Variants in RBFOX1 observed in about 807,000 individuals in gnomAD.
The protein encoded by RBFOX1 is RNA binding protein fox-1 homolog 1.
A neutral mutation model predicts 57.7 loss-of-function variants in RBFOX1; 8 were observed. That is an observed-to-expected ratio of 0.14 (90% CI 0.08 to 0.25). The LOEUF (loss-of-function observed/expected upper bound fraction) is 0.25. Among genes scored for constraint, RBFOX1 ranks in the 10% least tolerant of loss-of-function variants. The pLI, the probability that RBFOX1 is intolerant of heterozygous loss-of-function variation, is 1.00. For missense variants in RBFOX1, 611 were observed against 548.5 expected (o/e 1.11, Z -1.14); for synonymous variants, 326 against 222.4 (o/e 1.47, Z -4.15).
At chr16:6,419,142 T>C (rs1272461625) in intron 2 of RBFOX1, among the ~76,000 whole-genome samples, 1 of 152,212 alleles carries the variant, frequency 6.6e-6, no homozygotes, top group Non-Finnish European at 1.5e-5. Context: ...TAAACCTTTT[T>C]CCAAACCTTC....
intron 4 of RBFOX1, among the ~76,000 whole-genome samples, chr16:7,443,640 G>C (rs999495673): frequency 2.6e-5 from 4 of 152,226 alleles, no homozygotes; most frequent in South Asian, 2.1e-4. Flanking sequence ...AAAAAGTGCA[G>C]CGTATTTCTA....
intron 3 of RBFOX1, among the ~76,000 whole-genome samples, chr16:6,747,593 A>G (rs542351362): frequency 5.9e-5 from 9 of 152,238 alleles, no homozygotes; most frequent in South Asian, 2.1e-4. Flanking sequence ...AGTATCTTCT[A>G]TGGGTCTTCT....
At position 7,036,076 on chromosome 16, in the gene RBFOX1, A is replaced by C. The variant is rs532375507; in HGVS notation, c.-15-15981A>C. 5.9e-5 allele frequency among the ~76,000 whole-genome samples: 9 copies of C among 152,330 alleles called. No homozygotes were observed. The East Asian group carries it at 1.7e-3, about 29-fold the overall frequency. On this transcript the variant is annotated intron_variant, in intron 3 of 15. Coordinates refer to ENST00000550418, the MANE Select transcript of RBFOX1 (RefSeq NM_018723.4). ...GCAATAGAAAAGACCTCTTGTGTAA[A>C]GATCTCTTCAGATGCGAAAGTCAGA...
intron 1 of RBFOX1, among the ~76,000 whole-genome samples, chr16:5,247,572 G>A (rs1406778988): frequency 6.6e-6 from 1 of 152,192 alleles, no homozygotes; most frequent in Non-Finnish European, 1.5e-5. Context: ...ACAGCCCACA[G>A]GCCAGAGACA....
At chr16:5,503,546 C>T (rs573310218) in intron 2 of RBFOX1, among the ~76,000 whole-genome samples, 20 of 152,142 alleles carry the variant, frequency 1.3e-4, no homozygotes, top group Admixed American at 6.5e-4. Context: ...TGGGTTCAAG[C>T]GATTCTTGTG....
chr16:5,309,583 G>T (rs2064028896), intron 1 of RBFOX1, among the ~76,000 whole-genome samples: 1 of 152,162 alleles, frequency 6.6e-6, no homozygotes, highest in African/African-American at 2.4e-5. Context: ...TAGCGGTGAA[G>T]TGTGGGCTTT....
intron 4 of RBFOX1, among the ~76,000 whole-genome samples, chr16:7,355,629 C>G (rs906660267): frequency 2.6e-5 from 4 of 152,206 alleles, no homozygotes; most frequent in Non-Finnish European, 5.9e-5. Flanking sequence ...TCAGTCTGTA[C>G]AGGTCCACTC....
At chr16:5,852,045 G>GTAT (rs1394541206) in intron 3 of RBFOX1, among the ~76,000 whole-genome samples, 1 of 152,200 alleles carries the variant, frequency 6.6e-6, no homozygotes, top group African/African-American at 2.4e-5. Flanking sequence ...ATCATGGGGT[G>GTAT]TGATAAGGAT....
At chr16:5,771,862 A>T (rs530771594) in intron 3 of RBFOX1, among the ~76,000 whole-genome samples, 1 of 152,166 alleles carries the variant, frequency 6.6e-6, no homozygotes, top group African/African-American at 2.4e-5. Flanking sequence ...CAGTTCAATC[A>T]GTATGGTACC....
chr16:6,224,412 C>A (rs1008053904), intron 1 of RBFOX1, among the ~76,000 whole-genome samples: 5 of 151,970 alleles, frequency 3.3e-5, no homozygotes, highest in South Asian at 2.1e-4. Flanking sequence ...TGAAGAGGTC[C>A]TTCATGTCCC....
At chr16:7,224,161 C>T (rs1246722523) in intron 4 of RBFOX1, among the ~76,000 whole-genome samples, 1 of 111,080 alleles carries the variant, frequency 9.0e-6, no homozygotes, top group Non-Finnish European at 1.8e-5. Flanking sequence ...AAAAAAGGCT[C>T]AGTTGAGGAA....
chr16:6,260,351 G>A (rs761134310), intron 1 of RBFOX1, among the ~76,000 whole-genome samples: 8 of 152,110 alleles, frequency 5.3e-5, no homozygotes, highest in Non-Finnish European at 1.2e-4. Flanking sequence ...TCATGACCCA[G>A]TGCCTCCATC....
intron 1 of RBFOX1, among the ~76,000 whole-genome samples, chr16:5,242,199 A>C (rs773995434): frequency 1.2e-4 from 18 of 152,194 alleles, no homozygotes; most frequent in Non-Finnish European, 2.6e-4. Flanking sequence ...GGAGGCTAAA[A>C]GGATGATATA....
intron 4 of RBFOX1, among the ~76,000 whole-genome samples, chr16:7,236,632 C>G (rs146708498): frequency 1.1e-3 from 163 of 152,266 alleles, no homozygotes; most frequent in African/African-American, 3.6e-3. Flanking sequence ...CTTCCCAAAT[C>G]ATGAAGTCTA....
chr16:7,108,491 T>C (rs1188128834), intron 4 of RBFOX1, among the ~76,000 whole-genome samples: 3 of 152,202 alleles, frequency 2.0e-5, no homozygotes, highest in Non-Finnish European at 4.4e-5. Context: ...TTATTAAACA[T>C]GTACTGTCTC....
At chr16:6,478,423 ATATATAT>A (rs1461502927) in intron 2 of RBFOX1, among the ~76,000 whole-genome samples, 24 of 11,998 alleles carry the variant, frequency 2.0e-3, no homozygotes, top group African/African-American at 3.8e-3. Context: ...ATATATATAT[ATATATAT>A]TTTTTTTTTT....
chr16:7,469,374 AT>A (rs1599206755), intron 4 of RBFOX1, among the ~76,000 whole-genome samples: 1 of 151,990 alleles, frequency 6.6e-6, no homozygotes, highest in East Asian at 1.9e-4. Flanking sequence ...AGCCTGAGTG[AT>A]TTTTAATTCC....
intron 4 of RBFOX1, among the ~76,000 whole-genome samples, chr16:7,353,265 A>G (rs2097159406): frequency 6.6e-6 from 1 of 152,204 alleles, no homozygotes; most frequent in Non-Finnish European, 1.5e-5. Flanking sequence ...TTACAAATGC[A>G]TTGATGACCC....
chr16:7,051,746 A>T (rs1357691720), intron 3 of RBFOX1, among the ~76,000 whole-genome samples: 1 of 152,090 alleles, frequency 6.6e-6, no homozygotes. Flanking sequence ...TTCAGGGAAA[A>T]GGGTGGGGAG....
Sources: allele counts gnomAD v4.1 joint callset (sites outside exome capture counted in the v4.1 genomes callset), GRCh38; gene constraint gnomAD v4.1.1; transcripts MANE v1.5; gene names NCBI Gene and HGNC (gene_info 2026-07-23, HGNC 2026-07-21).